TLK1: variants seen among roughly 807,000 people sequenced by gnomAD.
TLK1 encodes the protein tousled like kinase 1, also known as serine/threonine-protein kinase tousled-like 1.
TLK1 carries 24 observed loss-of-function variants against 105.3 expected under a neutral mutation model. That is an observed-to-expected ratio of 0.23 (90% CI 0.17 to 0.32). The LOEUF is 0.32. Ranked by LOEUF, TLK1 falls within the 10% of genes least tolerant of loss-of-function variation. The pLI is 1.00. For missense variants in TLK1, 558 were observed against 910.5 expected, an observed-to-expected ratio of 0.61 and a Z score of 4.98; for synonymous variants, 321 against 310.4, an observed-to-expected ratio of 1.03 and a Z score of -0.36.
chr2:171,096,993 G>A (rs548689012), intron 2 of TLK1, among the ~76,000 whole-genome samples: 6 of 152,038 alleles, frequency 3.9e-5, no homozygotes, highest in Non-Finnish European at 5.9e-5. Context: ...CTAAATTTAC[G>A]TGTAACCTCA....
chr2:171,197,606 C>A (rs1327767881), intron 1 of TLK1, among the ~76,000 whole-genome samples: 1 of 152,088 alleles, frequency 6.6e-6, no homozygotes, highest in Non-Finnish European at 1.5e-5. Context: ...TGGTGAAACC[C>A]TGTATCTACT....
intron 11 of TLK1, among the ~76,000 whole-genome samples, chr2:171,032,166 CT>C (rs1686078707): frequency 6.6e-6 from 1 of 152,166 alleles, no homozygotes; most frequent in Non-Finnish European, 1.5e-5. Context: ...GAAAGATTTT[CT>C]CCTAATACCA....
intron 1 of TLK1, among the ~76,000 whole-genome samples, chr2:171,158,818 G>A (rs1316859320): frequency 6.6e-6 from 1 of 152,158 alleles, no homozygotes; most frequent in Non-Finnish European, 1.5e-5. Flanking sequence ...TAAATTTCTA[G>A]TCATTTAATA....
chr2:171,184,233 C>A (rs1332017748), intron 1 of TLK1, among the ~76,000 whole-genome samples: 3 of 152,162 alleles, frequency 2.0e-5, no homozygotes, highest in East Asian at 1.9e-4. Flanking sequence ...AAGCAGAAAG[C>A]CCTGCTGACA....
intron 1 of TLK1, among the ~76,000 whole-genome samples, chr2:171,135,126 G>GA (rs1375018144): frequency 4.6e-5 from 7 of 152,034 alleles, no homozygotes; most frequent in East Asian, 1.9e-4. Context: ...GAGTTAGACA[G>GA]AAAAAATAAG....
In TLK1 at chr2:171,058,152, T is replaced by G; in HGVS notation, c.452A>C (p.Glu151Ala). 6.2e-7 allele frequency: 1 copy of G among 1,613,528 alleles called. No individual in the cohort carries two copies. The highest frequency in any genetic ancestry group is 8.5e-7 in the Non-Finnish European group (1 of 1,179,566). Reference protein sequence around the residue: ...GRGHKISDYFEYQGGNGSSPV... With the variant: ...GRGHKISDYFAYQGGNGSSPV... Reference sequence around the variant, plus strand: ...GGAGACAATCCTCAATGAACTTACTTCAAAATAGTCGCTAATTTTGTGGCC... The same window carrying G: ...GGAGACAATCCTCAATGAACTTACTGCAAAATAGTCGCTAATTTTGTGGCC... Residue 151 changes from glutamate to alanine, a missense_variant and splice_region_variant, in exon 5 of 21, where the codon GAA becomes GCA. Glu to Ala is a moderately radical substitution (Grantham distance 107). Around this residue, in one of 5 missense-constraint regions of TLK1, gnomAD observed 196 missense variants for 239.3 expected, o/e 0.82. Transcript: ENST00000431350.
At chr2:171,009,658 T>C (rs1684814628) in intron 14 of TLK1, among the ~76,000 whole-genome samples, 1 of 152,118 alleles carries the variant, frequency 6.6e-6, no homozygotes, top group South Asian at 2.1e-4. Flanking sequence ...TTCTATATGA[T>C]TTACATGTGA....
At chr2:171,212,036 G>C (rs1418497427) in intron 1 of TLK1, among the ~76,000 whole-genome samples, 1 of 151,474 alleles carries the variant, frequency 6.6e-6, no homozygotes, top group Non-Finnish European at 1.5e-5. Flanking sequence ...GGTAGAGACA[G>C]GGTTTCACCA....
intron 2 of TLK1, among the ~76,000 whole-genome samples, chr2:171,084,030 C>T (rs761174738): frequency 6.6e-6 from 1 of 152,114 alleles, no homozygotes; most frequent in Non-Finnish European, 1.5e-5. Flanking sequence ...CAAAAACCCA[C>T]AGACTGTATT....
intron 1 of TLK1, among the ~76,000 whole-genome samples, chr2:171,202,413 T>C (rs1264888976): frequency 6.7e-6 from 1 of 149,792 alleles, no homozygotes; most frequent in African/African-American, 2.5e-5. Context: ...GATCGCGCCA[T>C]TGCACTCCAG....
chr2:171,094,809 T>G (rs1387707582), intron 2 of TLK1, among the ~76,000 whole-genome samples: 1 of 152,156 alleles, frequency 6.6e-6, no homozygotes, highest in African/African-American at 2.4e-5. Flanking sequence ...GGTTTCACCA[T>G]GTTGGTCAGG....
intron 8 of TLK1, among the ~76,000 whole-genome samples, chr2:171,052,437 T>G (rs1687287276): frequency 6.6e-6 from 1 of 152,188 alleles, no homozygotes. Flanking sequence ...TAGAACTGTT[T>G]ATACTAGAAA....
In TLK1 at chr2:170,992,191, T is replaced by C. The variant is rs1683813308; in HGVS notation, c.*1589A>G. ...TTACATTTTAACTGTCATTGTTTAT[T>C]ACTGTTTTGGCTATACTCTCTACAA... On this transcript the variant is annotated 3_prime_UTR_variant, in exon 21 of 21. Coordinates refer to ENST00000431350, the MANE Select transcript of TLK1 (RefSeq NM_012290.5). 6.6e-6 allele frequency: 1 copy of C among 152,192 alleles called. No homozygotes were observed. Among genetic ancestry groups the C allele is most frequent in the Non-Finnish European group, 1.5e-5 (1 of 68,010 alleles). The allele number at this position is 152,192 out of a possible 1,614,324, so 9.4% of individuals were successfully genotyped here. A position where few individuals can be genotyped will look rare whatever the true frequency, so the allele number is the denominator to read the frequency against.
At chr2:171,104,975 C>T (rs911283858) in intron 2 of TLK1, among the ~76,000 whole-genome samples, 1 of 152,184 alleles carries the variant, frequency 6.6e-6, no homozygotes, top group South Asian at 2.1e-4. Context: ...AAACTAGCCC[C>T]TATCTCTCAC....
intron 1 of TLK1, among the ~76,000 whole-genome samples, chr2:171,153,639 A>G (rs1435531529): frequency 6.6e-6 from 1 of 152,220 alleles, no homozygotes; most frequent in Non-Finnish European, 1.5e-5. Flanking sequence ...TGCTATGGAA[A>G]CAGACAATCC....
intron 10 of TLK1, among the ~76,000 whole-genome samples, chr2:171,047,702 CAAT>C (rs944915513): frequency 1.3e-5 from 2 of 152,028 alleles, no homozygotes; most frequent in African/African-American, 4.8e-5. Context: ...TGCAAATAAG[CAAT>C]AATAATCCTA....
chr2:171,022,576 C>T (rs1685579081), intron 12 of TLK1, among the ~76,000 whole-genome samples: 1 of 152,164 alleles, frequency 6.6e-6, no homozygotes, highest in South Asian at 2.1e-4. Context: ...TCAGGTTCTA[C>T]AGAAACATCA....
intron 11 of TLK1, among the ~76,000 whole-genome samples, chr2:171,028,764 A>G (rs747676323): frequency 2.8e-4 from 42 of 152,226 alleles, no homozygotes; most frequent in Admixed American, 2.0e-3. Context: ...AGTGAAAAAC[A>G]AAACAATTTC....
At chr2:171,201,901 CTAT>C (rs1693405086) in intron 1 of TLK1, among the ~76,000 whole-genome samples, 9 of 76,296 alleles carry the variant, frequency 1.2e-4, no homozygotes, top group Non-Finnish European at 8.4e-5. Flanking sequence ...CAGCTATCAT[CTAT>C]CTATCTATCT....
Sources: allele counts gnomAD v4.1 joint callset (sites outside exome capture counted in the v4.1 genomes callset), GRCh38; gene constraint gnomAD v4.1.1; regional missense constraint gnomAD v4.1.1; transcripts MANE v1.5; gene names NCBI Gene and HGNC (gene_info 2026-07-23, HGNC 2026-07-21).